The following COL25A1 variants were observed in gnomAD, a reference collection of about 807,000 sequenced individuals.
COL25A1 encodes the protein collagen alpha-1(XXV) chain.
Under a neutral mutation model 128.4 loss-of-function variants are expected in COL25A1, and 103 were observed. The observed-to-expected ratio is 0.80, with a 90% CI of 0.68 to 0.94. The LOEUF is 0.94. COL25A1 is among the 40% of genes least tolerant of loss of function. The probability of loss-of-function intolerance (pLI) is 0.00; values close to 1 mark genes in which losing one functional copy is unlikely to be tolerated. For missense variants in COL25A1, 745 were observed against 840.0 expected, an observed-to-expected ratio of 0.89 and a Z score of 1.40; for synonymous variants, 279 against 277.2, an observed-to-expected ratio of 1.01 and a Z score of -0.06.
At chr4:108,996,184 A>G (rs886560046) in intron 6 of COL25A1, among the ~76,000 whole-genome samples, 4 of 151,912 alleles carry the variant, frequency 2.6e-5, no homozygotes, top group Non-Finnish European at 5.9e-5. Flanking sequence ...AAATTGGATA[A>G]AGAGTCAGGA....
At chr4:108,870,077 A>AC (rs1344104088) in intron 19 of COL25A1, among the ~76,000 whole-genome samples, 1 of 151,540 alleles carries the variant, frequency 6.6e-6, no homozygotes, top group Non-Finnish European at 1.5e-5. Context: ...ACATAGGGAG[A>AC]CCCCCGTTCT....
chr4:109,093,767 T>C (rs1765162397), intron 3 of COL25A1, among the ~76,000 whole-genome samples: 2 of 152,180 alleles, frequency 1.3e-5, no homozygotes, highest in African/African-American at 4.8e-5. Context: ...AGGCCAAACA[T>C]GAAATTAACA....
intron 3 of COL25A1, among the ~76,000 whole-genome samples, chr4:109,285,178 G>A (rs890961863): frequency 6.6e-6 from 1 of 152,214 alleles, no homozygotes; most frequent in African/African-American, 2.4e-5. Context: ...GCCATCGATA[G>A]GAAATATAAT....
intron 3 of COL25A1, among the ~76,000 whole-genome samples, chr4:109,066,330 G>A (rs957351846): frequency 1.3e-5 from 2 of 152,086 alleles, no homozygotes; most frequent in Admixed American, 1.3e-4. Flanking sequence ...CACAAAATGG[G>A]TACTCAAGGA....
At chr4:109,146,266 C>T (rs1188527102) in intron 3 of COL25A1, among the ~76,000 whole-genome samples, 1 of 151,926 alleles carries the variant, frequency 6.6e-6, no homozygotes, top group Non-Finnish European at 1.5e-5. Flanking sequence ...GTACTAACAC[C>T]CCTCATAATT....
rs187649501 is a variant in COL25A1, at chr4:109,054,864, A to G, written c.368-4685T>C. On this transcript the variant is annotated intron_variant, in intron 3 of 37. Transcript: ENST00000399132. ...AAGTCTGGAGGACAAATGTGTGCAA[A>G]CCCAAGACGCTCCTCCACCCCAAAC... 2.9e-3 allele frequency among the ~76,000 whole-genome samples: 436 copies of G among 152,164 alleles called. 2 individuals carry two copies. The highest frequency in any genetic ancestry group is 4.9e-3 in the Non-Finnish European group (334 of 67,990).
chr4:108,851,115 A>T (rs1240423336), intron 26 of COL25A1, among the ~76,000 whole-genome samples: 1 of 152,132 alleles, frequency 6.6e-6, no homozygotes, highest in Non-Finnish European at 1.5e-5. Flanking sequence ...CTTCTAGGAT[A>T]TCTAGTCCAG....
At chr4:108,909,073 C>T (rs1267418994) in intron 13 of COL25A1, among the ~76,000 whole-genome samples, 4 of 152,160 alleles carry the variant, frequency 2.6e-5, no homozygotes, top group South Asian at 2.1e-4. Context: ...CCCTCTCATC[C>T]GTACTTGGTG....
At chr4:109,140,711 C>T (rs1313891779) in intron 3 of COL25A1, among the ~76,000 whole-genome samples, 1 of 152,106 alleles carries the variant, frequency 6.6e-6, no homozygotes, top group Non-Finnish European at 1.5e-5. Flanking sequence ...AATGGGAGTT[C>T]ACTCTTGATT....
At chr4:109,223,801 A>C (rs982830800) in intron 3 of COL25A1, among the ~76,000 whole-genome samples, 3 of 152,198 alleles carry the variant, frequency 2.0e-5, no homozygotes, top group Non-Finnish European at 2.9e-5. Flanking sequence ...TTAAATGAAG[A>C]GAGCCTTTAT....
At chr4:109,057,227 C>G (rs1456020651) in intron 3 of COL25A1, among the ~76,000 whole-genome samples, 1 of 151,970 alleles carries the variant, frequency 6.6e-6, no homozygotes, top group Non-Finnish European at 1.5e-5. Flanking sequence ...ATGAAATGCA[C>G]TGAGAGCAGG....
intron 27 of COL25A1, 127 bp from the exon 28 acceptor site, chr4:108,846,346 T>C: frequency 1.5e-6 from 1 of 682,054 alleles, no homozygotes; most frequent in Non-Finnish European, 2.7e-6. Context: ...ATTCTGATTT[T>C]TGTTTTTAGG....
chr4:108,934,208 A>G (rs532281045), intron 11 of COL25A1, among the ~76,000 whole-genome samples: 23 of 152,170 alleles, frequency 1.5e-4, no homozygotes, highest in Non-Finnish European at 3.1e-4. Flanking sequence ...GCTGGAAACC[A>G]TCATTCTCAG....
chr4:109,041,360 C>A (rs899801989), intron 5 of COL25A1, among the ~76,000 whole-genome samples: 1 of 134,728 alleles, frequency 7.4e-6, no homozygotes, highest in African/African-American at 2.9e-5. Context: ...AAATTTATGT[C>A]ACCCCCTTTT....
At chr4:109,250,814 G>T (rs1780594509) in intron 3 of COL25A1, among the ~76,000 whole-genome samples, 1 of 152,142 alleles carries the variant, frequency 6.6e-6, no homozygotes, top group African/African-American at 2.4e-5. Context: ...CTGTAGATCA[G>T]TCAGGTTGAC....
At chr4:108,861,519 G>A (rs1737223960) in intron 22 of COL25A1, among the ~76,000 whole-genome samples, 1 of 152,188 alleles carries the variant, frequency 6.6e-6, no homozygotes, top group Non-Finnish European at 1.5e-5. Context: ...TTAACACTCA[G>A]TGCTGAAGTG....
chr4:108,942,128 G>A (rs559906142), intron 8 of COL25A1: 339 of 1,424,200 alleles, frequency 2.4e-4, no homozygotes, highest in Non-Finnish European at 3.1e-4. Flanking sequence ...CAACGGGCTC[G>A]GCAAGCCAAT....
At chr4:109,013,529 G>A (rs565474830) in intron 5 of COL25A1, among the ~76,000 whole-genome samples, 259 of 77,456 alleles carry the variant, frequency 3.3e-3, no homozygotes, top group African/African-American at 0.02. Context: ...AATAAATCTT[G>A]CTGCTGCTCA....
intron 5 of COL25A1, among the ~76,000 whole-genome samples, chr4:109,028,759 A>C (rs1758559156): frequency 6.6e-6 from 1 of 152,032 alleles, no homozygotes; most frequent in African/African-American, 2.4e-5. Context: ...AAAGAAAAGA[A>C]AGAAAAAGGA....
Sources: allele counts gnomAD v4.1 joint callset (sites outside exome capture counted in the v4.1 genomes callset), GRCh38; gene constraint gnomAD v4.1.1; transcripts MANE v1.5; gene names NCBI Gene and HGNC (gene_info 2026-07-23, HGNC 2026-07-21).